The following PTPRK variants were observed in gnomAD, a reference collection of about 807,000 sequenced individuals.
PTPRK encodes the protein receptor-type tyrosine-protein phosphatase kappa.
Under a neutral mutation model 178.0 loss-of-function variants are expected in PTPRK, and 75 were observed. The observed-to-expected ratio is 0.42, with a 90% CI of 0.35 to 0.51. The LOEUF is 0.51. Among genes scored for constraint, PTPRK ranks in the 20% least tolerant of loss-of-function variants. The pLI, the probability that PTPRK is intolerant of heterozygous loss-of-function variation, is 0.02. For missense variants in PTPRK, 1,441 were observed against 1,797.8 expected, an observed-to-expected ratio of 0.80 and a Z score of 3.59; for synonymous variants, 637 against 620.6, an observed-to-expected ratio of 1.03 and a Z score of -0.39.
chr6:128,013,510 T>C (rs1415540948), intron 13 of PTPRK, among the ~76,000 whole-genome samples: 1 of 151,510 alleles, frequency 6.6e-6, no homozygotes, highest in African/African-American at 2.4e-5. Context: ...CTCATGCCAG[T>C]TCTTTTTCTA....
intron 22 of PTPRK, among the ~76,000 whole-genome samples, chr6:127,985,513 C>T (rs1202444320): frequency 2.0e-5 from 3 of 152,132 alleles, no homozygotes; most frequent in Non-Finnish European, 4.4e-5. Context: ...ACACTACACG[C>T]ATTAGGATGA....
intron 1 of PTPRK, among the ~76,000 whole-genome samples, chr6:128,429,951 T>A (rs1234456379): frequency 6.6e-6 from 1 of 152,212 alleles, no homozygotes; most frequent in Non-Finnish European, 1.5e-5. Flanking sequence ...TTATTAGGTA[T>A]GAAATTTTAT....
In PTPRK at chr6:128,212,469, C is replaced by T. The variant is rs186847194; in HGVS notation, c.868+6453G>A. On this transcript the variant is annotated intron_variant, in intron 6 of 29. Coordinates refer to ENST00000368226, the MANE Select transcript of PTPRK (RefSeq NM_002844.4). ...AATATAAACTACGAAGACACTCGGG[C>T]CATGTAGTAGATAGGAGTCCCTTGG... 5.3e-3 allele frequency among the ~76,000 whole-genome samples: 803 copies of T among 151,996 alleles called. 5 individuals are homozygous for T. The highest frequency in any genetic ancestry group is 6.6e-3 in the Non-Finnish European group (450 of 67,902).
At position 128,260,337 on chromosome 6, in the gene PTPRK, A is replaced by G. The variant is rs180804499; in HGVS notation, c.496-17735T>C. Among the ~76,000 whole-genome samples the G allele has an allele frequency of 3.1e-3, 467 of 152,292 alleles. 5 individuals carry two copies. The highest frequency in any genetic ancestry group is 0.011 in the African/African-American group (453 of 41,566). ...TTGTGGGAGACCAAGATCCAGAAGCAGAGACAATGTTAAGGAGACCACTGC... is the reference window on the plus strand; with the variant it reads ...TTGTGGGAGACCAAGATCCAGAAGCGGAGACAATGTTAAGGAGACCACTGC... On this transcript the variant is annotated intron_variant, in intron 3 of 29. Coordinates refer to ENST00000368226, the MANE Select transcript of PTPRK (RefSeq NM_002844.4).
At chr6:128,156,588 T>C (rs551851913) in intron 7 of PTPRK, among the ~76,000 whole-genome samples, 5 of 151,876 alleles carry the variant, frequency 3.3e-5, no homozygotes, top group Non-Finnish European at 5.9e-5. Context: ...TCCACCCCCA[T>C]GATTCAATCA....
intron 1 of PTPRK, among the ~76,000 whole-genome samples, chr6:128,479,826 T>G (rs894495799): frequency 6.6e-6 from 1 of 152,288 alleles, no homozygotes; most frequent in South Asian, 2.1e-4. Context: ...TTCTGGTTTT[T>G]GGTTAAAATA....
chr6:128,258,123 A>G (rs1215291187), intron 3 of PTPRK, among the ~76,000 whole-genome samples: 1 of 152,164 alleles, frequency 6.6e-6, no homozygotes, highest in Non-Finnish European at 1.5e-5. Context: ...TGAGAATAAA[A>G]TCATTTTCTT....
In PTPRK at chr6:128,249,173, A is replaced by T. The variant is rs1222923223; in HGVS notation, c.496-6571T>A. Among the ~76,000 whole-genome samples, 3 of 152,266 alleles carry T rather than the reference A, an allele frequency of 2.0e-5. No individual in the cohort carries two copies. The East Asian group carries it at 5.8e-4, about 29-fold the overall frequency. On this transcript the variant is annotated intron_variant, in intron 3 of 29. Transcript: ENST00000368226. ...AGAAAATTGAAAGGAGTTGAAATAC[A>T]GAGTAGAAGAACAAAGATAACTGAA...
At chr6:128,144,443 T>C (rs117108447) in intron 7 of PTPRK, among the ~76,000 whole-genome samples, 3,877 of 152,306 alleles carry the variant, frequency 0.025, 76 homozygotes, top group Middle Eastern at 0.095. Flanking sequence ...GCAGGTCTAA[T>C]GCATGTTGTT....
intron 7 of PTPRK, among the ~76,000 whole-genome samples, chr6:128,171,445 C>A (rs1211992690): frequency 6.6e-6 from 1 of 151,976 alleles, no homozygotes; most frequent in Non-Finnish European, 1.5e-5. Context: ...TCAAGGCAGG[C>A]ACTTGTAATA....
chr6:128,276,286 T>C (rs1820715864), intron 3 of PTPRK, among the ~76,000 whole-genome samples: 1 of 152,098 alleles, frequency 6.6e-6, no homozygotes, highest in East Asian at 1.9e-4. Flanking sequence ...AAAGCAGAAA[T>C]ATTGTCTTTG....
intron 11 of PTPRK, among the ~76,000 whole-genome samples, chr6:128,072,370 C>T (rs1782981645): frequency 6.6e-6 from 1 of 151,968 alleles, no homozygotes; most frequent in South Asian, 2.1e-4. Context: ...TATAATACAT[C>T]TAACCCACTG....
intron 1 of PTPRK, among the ~76,000 whole-genome samples, chr6:128,476,439 CATG>C (rs1191659861): frequency 6.6e-6 from 1 of 152,038 alleles, no homozygotes; most frequent in Non-Finnish European, 1.5e-5. Flanking sequence ...GCATCTTGCT[CATG>C]ATATGTTCAG....
intron 13 of PTPRK, among the ~76,000 whole-genome samples, chr6:128,040,238 A>C (rs961982959): frequency 1.3e-5 from 2 of 152,208 alleles, no homozygotes; most frequent in African/African-American, 4.8e-5. Flanking sequence ...CTGTCTCCAC[A>C]GTGGCTGAAC....
At chr6:128,200,757 G>A in intron 6 of PTPRK, among the ~76,000 whole-genome samples, 1 of 147,066 alleles carries the variant, frequency 6.8e-6, no homozygotes, top group East Asian at 2.0e-4. Context: ...TTATCAAGCT[G>A]AAAATGAGAA....
chr6:128,009,299 G>T, intron 13 of PTPRK, 31 bp from the exon 14 acceptor site: 1 of 1,584,762 alleles, frequency 6.3e-7, no homozygotes, highest in South Asian at 1.2e-5. Flanking sequence ...ATCAGTTACT[G>T]AAAGAAGCTA....
At position 128,218,945 on chromosome 6, in the gene PTPRK, T is replaced by C. The variant is rs756249062; in HGVS notation, c.845A>G (p.Asn282Ser). Residue 282 changes from asparagine to serine, a missense_variant, in exon 6 of 30, where the codon AAT becomes AGT. Physicochemically the swap from Asn to Ser is conservative, Grantham distance 46. This residue lies in a region of PTPRK where 945 missense variants were observed against 1,080.6 expected (regional missense o/e 0.87). Transcript: ENST00000368226. ...ACCTCTCACAATAAGTTGAGCAAAATTGGACACACCGGAACCTCGTTCTGA... is the reference window on the plus strand; with the variant it reads ...ACCTCTCACAATAAGTTGAGCAAAACTGGACACACCGGAACCTCGTTCTGA... ...TQSERGSGVS[N>S]FAQLIVREPP... The C allele has an allele frequency of 9.3e-6, 15 of 1,612,796 alleles. No homozygotes were observed. Among genetic ancestry groups the C allele is most frequent in the Admixed American group, 1.7e-5 (1 of 59,862 alleles).
At chr6:128,104,789 T>A (rs911499538) in intron 7 of PTPRK, among the ~76,000 whole-genome samples, 1 of 152,194 alleles carries the variant, frequency 6.6e-6, no homozygotes, top group Non-Finnish European at 1.5e-5. Context: ...AGAAAAACCC[T>A]TAACATGGTT....
At chr6:128,461,450 T>C (rs1027431820) in intron 1 of PTPRK, among the ~76,000 whole-genome samples, 3 of 152,198 alleles carry the variant, frequency 2.0e-5, no homozygotes, top group African/African-American at 4.8e-5. Flanking sequence ...AGGAATTAAC[T>C]GCTTACAAAA....
Sources: gnomAD v4.1 joint callset for allele counts (sites outside exome capture counted in the v4.1 genomes callset) on GRCh38, gnomAD v4.1.1 for gene constraint, gnomAD v4.1.1 regional missense constraint, MANE v1.5 for transcripts, NCBI Gene and HGNC (gene_info 2026-07-23, HGNC 2026-07-21) for gene names.